NIPAL2: variants seen among roughly 807,000 people sequenced by gnomAD.
The protein encoded by NIPAL2 is NIPA like domain containing 2.
NIPAL2 carries 43 observed loss-of-function variants against 48.9 expected under a neutral mutation model. The ratio of observed to expected loss-of-function variants is 0.88; its 90% CI spans 0.69 to 1.13. The LOEUF (loss-of-function observed/expected upper bound fraction) is 1.13, where lower values mean the gene tolerates loss of function less well. Ranked by LOEUF, NIPAL2 falls within the 50% of genes most tolerant of loss-of-function variation. The pLI, the probability that NIPAL2 is intolerant of heterozygous loss-of-function variation, is 0.00. For missense variants in NIPAL2, 446 were observed against 461.4 expected (o/e 0.97, Z 0.31); for synonymous variants, 167 against 174.6 (o/e 0.96, Z 0.34).
intron 1 of NIPAL2, among the ~76,000 whole-genome samples, chr8:98,274,343 C>A (rs1815336699): frequency 6.6e-6 from 1 of 151,968 alleles, no homozygotes; most frequent in South Asian, 2.1e-4. Flanking sequence ...AAATCTTCAA[C>A]AATCTTACTA....
chr8:98,282,989 C>G (rs958316124), intron 1 of NIPAL2, among the ~76,000 whole-genome samples: 1 of 152,194 alleles, frequency 6.6e-6, no homozygotes, highest in African/African-American at 2.4e-5. Context: ...AGATCCAAAT[C>G]GGGTTATTTA....
chr8:98,199,531 T>A (rs1462594436), intron 8 of NIPAL2, among the ~76,000 whole-genome samples: 1 of 152,082 alleles, frequency 6.6e-6, no homozygotes, highest in Non-Finnish European at 1.5e-5. Flanking sequence ...TGGGAACAGC[T>A]GGTCAGTGGA....
chr8:98,277,500 G>A (rs1293247886), intron 1 of NIPAL2, among the ~76,000 whole-genome samples: 2 of 152,038 alleles, frequency 1.3e-5, no homozygotes, highest in African/African-American at 2.4e-5. Context: ...TCGCACCATT[G>A]CACTCCAGCC....
Position 98,190,797 on chromosome 8 carries a change from T to G in NIPAL2, c.*2181A>C, listed in dbSNP as rs1810275740. ...CTCTGTGGGTCTTTACTGAAAACTT[T>G]GCCGACCCTTGGTCTAGACAGATAG... On this transcript the variant is annotated 3_prime_UTR_variant, in exon 11 of 11. Coordinates refer to ENST00000430223, the MANE Select transcript of NIPAL2 (RefSeq NM_001321635.2). 6.6e-6 allele frequency: 1 copy of G among 152,202 alleles called. No individual in the cohort carries two copies. The highest frequency in any genetic ancestry group is 2.4e-5 in the African/African-American group (1 of 41,450). 9.4% of individuals were successfully genotyped at this position (152,202 alleles called of 1,614,324 possible). A position where few individuals can be genotyped will look rare whatever the true frequency, so the allele number is the denominator to read the frequency against.
Position 98,217,149 on chromosome 8 carries a change from T to C in NIPAL2, c.559-4648A>G, listed in dbSNP as rs1044356784. 9 of 985,360 alleles carry C rather than the reference T, an allele frequency of 9.1e-6. No individual in the cohort carries two copies. The African/African-American group carries it at 1.0e-4, about 11-fold the overall frequency. The allele number at this position is 985,360 out of a possible 1,614,324, so 61.0% of individuals were successfully genotyped here. A position where few individuals can be genotyped will look rare whatever the true frequency, so the allele number is the denominator to read the frequency against. On this transcript the variant is annotated intron_variant, in intron 5 of 10. Coordinates refer to ENST00000430223, the MANE Select transcript of NIPAL2 (RefSeq NM_001321635.2). ...CTGTTTTAGTGAGTGCACTTTATTC[T>C]TCTCTGGCTGGTATACACTGGGCTT...
chr8:98,206,523 A>C (rs1811047219), intron 6 of NIPAL2, among the ~76,000 whole-genome samples: 2 of 152,184 alleles, frequency 1.3e-5, no homozygotes, highest in African/African-American at 4.8e-5. Flanking sequence ...GCGGTGGCTC[A>C]CACCTGTAAT....
chr8:98,209,023 G>A (rs1200138675), intron 6 of NIPAL2, among the ~76,000 whole-genome samples: 1 of 152,262 alleles, frequency 6.6e-6, no homozygotes, highest in East Asian at 1.9e-4. Flanking sequence ...TTGCTGTAAT[G>A]AGAACGCTTC....
At chr8:98,261,570 T>G (rs1202127904) in intron 1 of NIPAL2, among the ~76,000 whole-genome samples, 1 of 116,140 alleles carries the variant, frequency 8.6e-6, no homozygotes, top group Non-Finnish European at 1.8e-5. Context: ...AGAAGGGAAG[T>G]TTAGAGAAAA....
At chr8:98,237,517 A>G (rs949687255) in intron 3 of NIPAL2, among the ~76,000 whole-genome samples, 2 of 151,992 alleles carry the variant, frequency 1.3e-5, no homozygotes, top group Non-Finnish European at 2.9e-5. Context: ...AATCGCTCTA[A>G]AATGCAAATC....
chr8:98,288,561 T>C (rs901836116), intron 1 of NIPAL2, among the ~76,000 whole-genome samples: 111 of 151,274 alleles, frequency 7.3e-4, no homozygotes, highest in African/African-American at 2.6e-3. Context: ...TACCCAGTAA[T>C]GGGATGGCTG....
chr8:98,231,371 C>T (rs1254108601), intron 4 of NIPAL2, among the ~76,000 whole-genome samples: 1 of 152,048 alleles, frequency 6.6e-6, no homozygotes, highest in Non-Finnish European at 1.5e-5. Context: ...GACATTGGCT[C>T]CAAATCAAGC....
At chr8:98,268,262 G>A (rs919088451) in intron 1 of NIPAL2, among the ~76,000 whole-genome samples, 7 of 151,954 alleles carry the variant, frequency 4.6e-5, no homozygotes, top group African/African-American at 1.7e-4. Context: ...GGTAATATAT[G>A]TGTGTCTTTA....
chr8:98,239,947 C>T (rs1054883151), intron 3 of NIPAL2, among the ~76,000 whole-genome samples: 11 of 152,278 alleles, frequency 7.2e-5, no homozygotes, highest in African/African-American at 2.6e-4. Flanking sequence ...AATCAGAGGT[C>T]TATCAAGCCC....
chr8:98,266,776 TA>T lies in NIPAL2; in HGVS notation c.136-12690del, dbSNP rs201048833. Among the ~76,000 whole-genome samples, 541 of 147,780 alleles carry T rather than the reference TA, an allele frequency of 3.7e-3. 1 individual carries two copies. The highest frequency in any genetic ancestry group is 0.011 in the African/African-American group (459 of 40,452). ...AAATGAAATAAAATCATGTAAATGC[TA>T]AAAAAAAAATAAAGAAAGAAAACAA... is the stretch of plus-strand genomic sequence containing the variant. On this transcript the variant is annotated intron_variant, in intron 1 of 10. Coordinates refer to ENST00000430223, the MANE Select transcript of NIPAL2 (RefSeq NM_001321635.2).
intron 1 of NIPAL2, among the ~76,000 whole-genome samples, chr8:98,259,137 C>T (rs201125452): frequency 1.6e-5 from 2 of 123,836 alleles, no homozygotes; most frequent in African/African-American, 3.1e-5. Context: ...AGTGCAGTGG[C>T]GCGATCTCGA....
At chr8:98,218,101 T>C (rs1811663167) in intron 5 of NIPAL2, among the ~76,000 whole-genome samples, 1 of 152,248 alleles carries the variant, frequency 6.6e-6, no homozygotes, top group South Asian at 2.1e-4. Context: ...CAATACAAGA[T>C]AGATCATCAT....
chr8:98,194,368 C>A (rs1055538906), intron 10 of NIPAL2, among the ~76,000 whole-genome samples: 1 of 152,032 alleles, frequency 6.6e-6, no homozygotes, highest in African/African-American at 2.4e-5. Flanking sequence ...AGCTGCCTAC[C>A]CTTTGTCCTT....
At chr8:98,217,564 G>T (rs1811638761) in intron 5 of NIPAL2, among the ~76,000 whole-genome samples, 1 of 152,228 alleles carries the variant, frequency 6.6e-6, no homozygotes, top group Non-Finnish European at 1.5e-5. Context: ...CACATCTGAG[G>T]ATTAAATATT....
intron 8 of NIPAL2, among the ~76,000 whole-genome samples, chr8:98,196,263 C>T (rs1318438658): frequency 6.6e-6 from 1 of 152,108 alleles, no homozygotes; most frequent in Non-Finnish European, 1.5e-5. Context: ...TATTTGCAAG[C>T]AGAAATTTCT....
Sources: gnomAD v4.1 joint callset for allele counts (sites outside exome capture counted in the v4.1 genomes callset) on GRCh38, gnomAD v4.1.1 for gene constraint, MANE v1.5 for transcripts, NCBI Gene and HGNC (gene_info 2026-07-23, HGNC 2026-07-21) for gene names.